The following KY variants were observed in gnomAD, a reference collection of about 807,000 sequenced individuals.
KY encodes the protein kyphoscoliosis peptidase.
In KY, 43 loss-of-function variants were observed where a neutral mutation model predicts 76.1. The ratio of observed to expected loss-of-function variants is 0.57; its 90% CI spans 0.44 to 0.73. The LOEUF (loss-of-function observed/expected upper bound fraction) is 0.73. Ranked by LOEUF, KY falls within the 30% of genes least tolerant of loss-of-function variation. The probability of loss-of-function intolerance (pLI) is 0.00; values close to 1 mark genes in which losing one functional copy is unlikely to be tolerated. For synonymous variants in KY, 277 were observed against 326.2 expected (o/e 0.85, Z 1.63); for missense variants, 722 against 828.9 (o/e 0.87, Z 1.58).
At chr3:134,634,774 A>G (rs1964706343) in intron 3 of KY, among the ~76,000 whole-genome samples, 1 of 152,188 alleles carries the variant, frequency 6.6e-6, no homozygotes, top group Non-Finnish European at 1.5e-5. Context: ...CTTTTCCTAC[A>G]TGGGGTTTCT....
chr3:134,645,340 G>A (rs1966312582), intron 2 of KY, among the ~76,000 whole-genome samples: 1 of 152,200 alleles, frequency 6.6e-6, no homozygotes, highest in African/African-American at 2.4e-5. Context: ...GGTAGCAAGA[G>A]GGGGAAAATG....
chr3:134,639,949 CAAAAAAAAAA>C (rs35930137), intron 3 of KY: 14 of 49,742 alleles, frequency 2.8e-4, no homozygotes, highest in East Asian at 1.4e-3. Context: ...CACCCTGTCT[CAAAAAAAAAA>C]AAAAAAAAAA....
At chr3:134,632,927 G>A (rs1305313842) in intron 3 of KY, among the ~76,000 whole-genome samples, 1 of 151,946 alleles carries the variant, frequency 6.6e-6, no homozygotes, top group Non-Finnish European at 1.5e-5. Flanking sequence ...TGAAATGAGG[G>A]CTATCGCTAC....
In KY at chr3:134,627,673, A is replaced by C; in HGVS notation, c.400+83T>G. The C allele has an allele frequency of 2.4e-6, 3 of 1,257,866 alleles. No homozygotes were observed. The South Asian group carries it at 3.7e-5, about 16-fold the overall frequency. The allele number at this position is 1,257,866 out of a possible 1,614,324, so 77.9% of individuals were successfully genotyped here. The stretch of plus-strand genomic sequence containing the variant: ...AGCCTCTCAGCATAGTGGCCCAGGA[A>C]GCAACTGTCAATTGGAGATTAGTCT... On this transcript the variant is annotated intron_variant, in intron 5 of 10. Transcript: ENST00000423778.
intron 8 of KY, among the ~76,000 whole-genome samples, chr3:134,617,546 A>C (rs1490193918): frequency 6.6e-6 from 1 of 152,246 alleles, no homozygotes; most frequent in East Asian, 1.9e-4. Flanking sequence ...TCTGGAAAGT[A>C]ATATGACCAA....
Position 134,629,603 on chromosome 3 carries a change from T to C in KY, c.337+18A>G. ...CTCTCTGCCAGCCCTCCACCATGAG[T>C]ACCTGTGTCATACATACGTTTAGCC... On this transcript the variant is annotated intron_variant, in intron 4 of 10. Coordinates refer to ENST00000423778, the MANE Select transcript of KY (RefSeq NM_178554.6). 1 of 1,582,352 alleles carries C rather than the reference T, an allele frequency of 6.3e-7. No individual in the cohort carries two copies. The highest frequency in any genetic ancestry group is 8.6e-7 in the Non-Finnish European group (1 of 1,162,608).
rs114977614 is a variant in KY, at chr3:134,641,866, G to T, written c.262+1450C>A. ...CAGCTCCACAAGGACAGGGGCCTTT[G>T]TCTGTCTTCTTCACTAAGTGAGGTA... On this transcript the variant is annotated intron_variant, in intron 3 of 10. Coordinates refer to ENST00000423778, the MANE Select transcript of KY (RefSeq NM_178554.6). Among the ~76,000 whole-genome samples the T allele has an allele frequency of 2.8e-3, 424 of 152,294 alleles. 2 individuals carry two copies. Among genetic ancestry groups the T allele is most frequent in the African/African-American group, 9.7e-3 (405 of 41,558 alleles).
intron 1 of KY, among the ~76,000 whole-genome samples, chr3:134,650,300 C>T (rs1413548799): frequency 6.6e-6 from 1 of 152,210 alleles, no homozygotes; most frequent in Non-Finnish European, 1.5e-5. Flanking sequence ...CCTTTCATGC[C>T]TTCCATCTAT....
chr3:134,619,084 G>T, intron 8 of KY, 64 bp downstream of exon 8: 1 of 1,335,766 alleles, frequency 7.5e-7, no homozygotes, highest in South Asian at 1.2e-5. Flanking sequence ...AAAGGCACAT[G>T]GCACTGTGGA....
chr3:134,644,572 C>T (rs1218438994), intron 2 of KY, among the ~76,000 whole-genome samples: 1 of 152,246 alleles, frequency 6.6e-6, no homozygotes, highest in Non-Finnish European at 1.5e-5. Flanking sequence ...TCTATAGCTT[C>T]CTGCTGGCTT....
Position 134,603,921 on chromosome 3 carries a change from G to A in KY, c.1644C>T (p.Tyr548=), listed in dbSNP as rs1315575788. 1.2e-6 allele frequency: 2 copies of A among 1,614,042 alleles called. No homozygotes were observed. The highest frequency in any genetic ancestry group is 1.7e-6 in the Non-Finnish European group (2 of 1,179,898). ...FVKKRQEPGN[Y]IFVFNYLVCC... is the part of the protein sequence containing the mutation. Reference sequence around the variant, plus strand: ...ATACAAGGTAATTAAAGACGAAGATGTAGTTTCCTGGTTCCTGCCTCTTCT... The same window carrying A: ...ATACAAGGTAATTAAAGACGAAGATATAGTTTCCTGGTTCCTGCCTCTTCT... The change falls in exon 11 of 11, where the codon TAC becomes TAT. Residue 548 remains tyrosine (Y), a synonymous_variant. Transcript: ENST00000423778.
At position 134,603,547 on chromosome 3, in the gene KY, C is replaced by T; in HGVS notation, c.*32G>A. 6.5e-7 allele frequency: 1 copy of T among 1,539,968 alleles called. No homozygotes were observed. On this transcript the variant is annotated 3_prime_UTR_variant, in exon 11 of 11. Transcript: ENST00000423778. The stretch of plus-strand genomic sequence containing the variant: ...CCTCCCTGGGGAGGTCTGGCCTTGG[C>T]CCTTTGGGAGGGTAAGACCGGGGCA...
chr3:134,629,386 G>A, intron 4 of KY: 3 of 523,418 alleles, frequency 5.7e-6, no homozygotes, highest in Non-Finnish European at 1.0e-5. Flanking sequence ...TGTGTCTTCA[G>A]CTAAATGTCT....
chr3:134,608,523 C>G, intron 10 of KY, 126 bp downstream of exon 10: 1 of 1,584,946 alleles, frequency 6.3e-7, no homozygotes, highest in Non-Finnish European at 8.6e-7. Flanking sequence ...AAGCTTTGTG[C>G]TAAGCTCACA....
intron 8 of KY, among the ~76,000 whole-genome samples, chr3:134,617,979 G>A (rs1961869752): frequency 6.6e-6 from 1 of 152,152 alleles, no homozygotes; most frequent in Non-Finnish European, 1.5e-5. Context: ...AGGCCTGCAG[G>A]CAGCAGGAGG....
Position 134,650,931 on chromosome 3 carries a change from T to C in KY, c.30A>G (p.Val10=), listed in dbSNP as rs1966880676. The change falls in exon 1 of 11, where the codon GTA becomes GTG. Residue 10 remains valine, a synonymous_variant. Transcript: ENST00000423778. MELKKDINA[V]SIDMLLIVHS... Reference sequence around the variant, plus strand: ...GCACGATCAGCAGCATGTCGATAGATACAGCGTTGATGTCCTTCTTCAGCT... The same window carrying C: ...GCACGATCAGCAGCATGTCGATAGACACAGCGTTGATGTCCTTCTTCAGCT... 6.2e-7 allele frequency: 1 copy of C among 1,613,314 alleles called. No homozygotes were observed.
intron 6 of KY, among the ~76,000 whole-genome samples, chr3:134,624,360 A>C (rs905448973): frequency 6.6e-5 from 10 of 152,188 alleles, no homozygotes; most frequent in South Asian, 2.1e-4. Flanking sequence ...TTCTTGATCC[A>C]TGCACTCACC....
chr3:134,604,299 G>A lies in KY; in HGVS notation c.1266C>T (p.Ser422=), dbSNP rs376295684. 1.1e-4 allele frequency: 184 copies of A among 1,613,860 alleles called. No individual in the cohort carries two copies. The highest frequency in any genetic ancestry group is 3.3e-4 in the Middle Eastern group (2 of 6,078). The part of the protein sequence containing the change: ...HKLQIFAKGN[S]DIYSSVLEYT... The stretch of plus-strand genomic sequence containing the variant: ...ACTCCAGCACTGAGCTGTAGATGTC[G>A]GAGTTGCCCTTGGCAAAGATCTGCA... The change falls in exon 11 of 11, where the codon TCC becomes TCT. Residue 422 remains serine (S), a synonymous_variant. Transcript: ENST00000423778.
In KY at chr3:134,600,368, A is replaced by T. The variant is rs945040902; in HGVS notation, c.*3211T>A. Among the ~76,000 whole-genome samples the T allele has an allele frequency of 6.6e-6, 1 of 152,216 alleles. No individual in the cohort carries two copies. Among genetic ancestry groups the T allele is most frequent in the African/African-American group, 2.4e-5 (1 of 41,456 alleles). On this transcript the variant is annotated 3_prime_UTR_variant, in exon 11 of 11. Transcript: ENST00000423778. ...TCCCTCCTGCTTAACAACAGGAAAT[A>T]GTTCTTTATGTCTAGCCGAAATCCT...
Sources: allele counts gnomAD v4.1 joint callset (sites outside exome capture counted in the v4.1 genomes callset), GRCh38; gene constraint gnomAD v4.1.1; transcripts MANE v1.5; gene names NCBI Gene and HGNC (gene_info 2026-07-23, HGNC 2026-07-21).